The following CDYL2 variants were observed in gnomAD, a reference collection of about 807,000 sequenced individuals.
CDYL2 encodes the protein chromodomain Y like 2.
CDYL2 carries 23 observed loss-of-function variants against 49.4 expected under a neutral mutation model. The observed-to-expected ratio is 0.47, with a 90% CI of 0.34 to 0.66. CDYL2 has a LOEUF of 0.66. Ranked by LOEUF, CDYL2 falls within the 30% of genes least tolerant of loss-of-function variation. CDYL2 has a pLI of 0.01. For missense variants in CDYL2, 678 were observed against 656.4 expected, an observed-to-expected ratio of 1.03 and a Z score of -0.36; for synonymous variants, 360 against 268.8, an observed-to-expected ratio of 1.34 and a Z score of -3.32.
chr16:80,686,212 C>A (rs1023544016), intron 1 of CDYL2, among the ~76,000 whole-genome samples: 1 of 152,138 alleles, frequency 6.6e-6, no homozygotes, highest in East Asian at 1.9e-4. Flanking sequence ...TATGTAATCC[C>A]GTGGAAAAAT....
chr16:80,640,509 T>C lies in CDYL2; in HGVS notation c.617-7273A>G, dbSNP rs142408089. Among the ~76,000 whole-genome samples, 766 of 152,106 alleles carry C rather than the reference T, an allele frequency of 5.0e-3. 3 individuals carry two copies. Among genetic ancestry groups the C allele is most frequent in the African/African-American group, 0.017 (720 of 41,472 alleles). On this transcript the variant is annotated intron_variant, in intron 2 of 6. Transcript: ENST00000570137. ...TCAGCACATTCCCATCTGTGGCGGC[T>C]ACAGGGAGAGATAAATACCTGACTC...
chr16:80,787,848 G>C (rs188314361), intron 1 of CDYL2, among the ~76,000 whole-genome samples: 1 of 152,122 alleles, frequency 6.6e-6, no homozygotes, highest in Non-Finnish European at 1.5e-5. Flanking sequence ...GATTAGTAAT[G>C]TGCATGCTCT....
intron 1 of CDYL2, among the ~76,000 whole-genome samples, chr16:80,757,264 T>A (rs182727372): frequency 6.0e-4 from 91 of 152,218 alleles, no homozygotes; most frequent in African/African-American, 1.8e-3. Context: ...ACCAATAGTT[T>A]ACCCTATAAA....
rs560353079 is a variant in CDYL2, at chr16:80,657,475, G to C, written c.617-24239C>G. 4.5e-4 allele frequency among the ~76,000 whole-genome samples: 69 copies of C among 152,106 alleles called. No homozygotes were observed. In the Middle Eastern group the frequency reaches 0.027, roughly 60 times the overall value. ...TTCAGGAAAAAATGAACAAAAGACA[G>C]AACAAACAATCCACAGCATTACACA... On this transcript the variant is annotated intron_variant, in intron 2 of 6. Coordinates refer to ENST00000570137, the MANE Select transcript of CDYL2 (RefSeq NM_152342.4).
In CDYL2 at chr16:80,712,189, G is replaced by GTATATATATATATA. The variant is rs527296483; in HGVS notation, c.25-27061_25-27060insTATATATATATATA. Among the ~76,000 whole-genome samples, 52 of 75,848 alleles carry GTATATATATATATA rather than the reference G, an allele frequency of 6.9e-4. 1 individual carries two copies. The highest frequency in any genetic ancestry group is 1.2e-3 in the East Asian group (3 of 2,460). The allele number at this position is 75,848 out of a possible 152,430, so 49.8% of individuals were successfully genotyped here. A position where few individuals can be genotyped will look rare whatever the true frequency, so the allele number is the denominator to read the frequency against. On this transcript the variant is annotated intron_variant, in intron 1 of 6. Coordinates refer to ENST00000570137, the MANE Select transcript of CDYL2 (RefSeq NM_152342.4). The stretch of plus-strand genomic sequence containing the variant: ...TATATATGTGTCTTTGTGTCTGTGT[G>GTATATATATATATA]TGTATATATATATATATATATATAT...
rs111534372 is a variant in CDYL2 at position 80,625,074 on chromosome 16, T to C, written c.835-4139A>G. On this transcript the variant is annotated intron_variant, in intron 3 of 6. Coordinates refer to ENST00000570137, the MANE Select transcript of CDYL2 (RefSeq NM_152342.4). Reference sequence around the variant, plus strand: ...ATTGATGAAAGATCCACTAGTTTCCTATGGCTGCTGTAAAAAATTACTATA... The same window carrying C: ...ATTGATGAAAGATCCACTAGTTTCCCATGGCTGCTGTAAAAAATTACTATA... 9.2e-5 allele frequency among the ~76,000 whole-genome samples: 14 copies of C among 152,374 alleles called. 1 individual carries two copies. Among genetic ancestry groups the C allele is most frequent in the African/African-American group, 3.4e-4 (14 of 41,596 alleles).
At chr16:80,660,954 G>T (rs1261953888) in intron 2 of CDYL2, among the ~76,000 whole-genome samples, 1 of 152,184 alleles carries the variant, frequency 6.6e-6, no homozygotes, top group Non-Finnish European at 1.5e-5. Flanking sequence ...CCCTGAGCTA[G>T]GGGTAAGCTG....
In CDYL2 at chr16:80,600,809, A is replaced by T. The variant is rs930901620; in HGVS notation, c.*3579T>A. On this transcript the variant is annotated 3_prime_UTR_variant, in exon 7 of 7. Coordinates refer to ENST00000570137, the MANE Select transcript of CDYL2 (RefSeq NM_152342.4). The stretch of plus-strand genomic sequence containing the variant: ...TAAAAAAAAAGTTTACAAAATTTTT[A>T]AAACCAAAAATTAATGGGAAATGCA... 4 of 152,208 alleles carry T rather than the reference A, an allele frequency of 2.6e-5. No homozygotes were observed. The highest frequency in any genetic ancestry group is 9.6e-5 in the African/African-American group (4 of 41,454). 9.4% of individuals were successfully genotyped at this position (152,208 alleles called of 1,614,324 possible). A position where few individuals can be genotyped will look rare whatever the true frequency, so the allele number is the denominator to read the frequency against.
chr16:80,685,176 A>C (rs760196605), intron 1 of CDYL2, 47 bp from the exon 2 acceptor site: 3 of 1,486,812 alleles, frequency 2.0e-6, no homozygotes, highest in East Asian at 2.3e-5. Flanking sequence ...AGAGGGAGGA[A>C]AAAACTCAGT....
Position 80,599,995 on chromosome 16 carries a change from C to T in CDYL2, c.*4393G>A, listed in dbSNP as rs965025524. On this transcript the variant is annotated 3_prime_UTR_variant, in exon 7 of 7. Transcript: ENST00000570137. ...CTTACGTTGCATGGAGGAAACAACC[C>T]GTATTACCCTTTTTAAATTTTTTTG... 1.3e-5 allele frequency: 2 copies of T among 152,152 alleles called. No homozygotes were observed. Among genetic ancestry groups the T allele is most frequent in the East Asian group, 1.9e-4 (1 of 5,182 alleles). The allele number at this position is 152,152 out of a possible 1,614,324, so 9.4% of individuals were successfully genotyped here. A position where few individuals can be genotyped will look rare whatever the true frequency, so the allele number is the denominator to read the frequency against.
Position 80,651,086 on chromosome 16 carries a change from T to G in CDYL2, c.617-17850A>C, listed in dbSNP as rs373392454. 3.9e-5 allele frequency among the ~76,000 whole-genome samples: 6 copies of G among 152,240 alleles called. No individual in the cohort carries two copies. In the East Asian group the frequency reaches 9.6e-4, roughly 24 times the overall value. Reference sequence around the variant, plus strand: ...ACTCTGGTCAATAATTAATTTACACTTTAAAATAACTAAAAGAGTGTAACT... The same window carrying G: ...ACTCTGGTCAATAATTAATTTACACGTTAAAATAACTAAAAGAGTGTAACT... On this transcript the variant is annotated intron_variant, in intron 2 of 6. Transcript: ENST00000570137.
At chr16:80,792,033 A>AC (rs1269418639) in intron 1 of CDYL2, among the ~76,000 whole-genome samples, 9 of 152,198 alleles carry the variant, frequency 5.9e-5, no homozygotes, top group African/African-American at 2.2e-4. Flanking sequence ...AATAGAACAC[A>AC]CATGGCATCT....
intron 2 of CDYL2, among the ~76,000 whole-genome samples, chr16:80,636,817 C>T (rs558879215): frequency 1.6e-4 from 25 of 152,194 alleles, no homozygotes; most frequent in Admixed American, 9.8e-4. Context: ...CGCCCATCAA[C>T]GATAGACTGG....
intron 3 of CDYL2, among the ~76,000 whole-genome samples, chr16:80,626,098 TG>T (rs1173265931): frequency 1.3e-5 from 2 of 150,848 alleles, no homozygotes; most frequent in Admixed American, 6.6e-5. Flanking sequence ...GAGGCCAGCC[TG>T]GGCAACATGA....
intron 1 of CDYL2, among the ~76,000 whole-genome samples, chr16:80,772,720 G>C (rs1906948257): frequency 6.6e-6 from 1 of 151,976 alleles, no homozygotes; most frequent in Admixed American, 6.6e-5. Flanking sequence ...CAAAGTGCTG[G>C]GATTACAGGT....
chr16:80,686,412 A>G (rs1003384716), intron 1 of CDYL2, among the ~76,000 whole-genome samples: 1 of 152,220 alleles, frequency 6.6e-6, no homozygotes, highest in Admixed American at 6.5e-5. Flanking sequence ...AGTTATATTC[A>G]AAAGTTTATT....
At chr16:80,618,595 G>C (rs1906936984) in intron 4 of CDYL2, among the ~76,000 whole-genome samples, 2 of 152,198 alleles carry the variant, frequency 1.3e-5, no homozygotes, top group Admixed American at 1.3e-4. Flanking sequence ...CCCTGTTTCT[G>C]TTCAGCTTCC....
chr16:80,628,508 C>T (rs1258280423), intron 3 of CDYL2: 1 of 152,318 alleles, frequency 6.6e-6, no homozygotes, highest in Non-Finnish European at 1.5e-5. Flanking sequence ...CCAGTTGAGC[C>T]TTCGTGTGAG....
chr16:80,803,450 A>C (rs926406591), intron 1 of CDYL2, among the ~76,000 whole-genome samples: 1 of 151,400 alleles, frequency 6.6e-6, no homozygotes, highest in Non-Finnish European at 1.5e-5. Flanking sequence ...TTTCGCCCCC[A>C]GGGAGCACGA....
Sources: gnomAD v4.1 joint callset for allele counts (sites outside exome capture counted in the v4.1 genomes callset) on GRCh38, gnomAD v4.1.1 for gene constraint, MANE v1.5 for transcripts, NCBI Gene and HGNC (gene_info 2026-07-23, HGNC 2026-07-21) for gene names.